The following ARHGEF37 variants were observed in gnomAD, a reference collection of about 807,000 sequenced individuals.
ARHGEF37 encodes Rho guanine nucleotide exchange factor 37, also known as Rho guanine nucleotide exchange factor (GEF) 37.
Under a neutral mutation model 71.1 loss-of-function variants are expected in ARHGEF37, and 55 were observed. That is an observed-to-expected ratio of 0.77 (90% CI 0.62 to 0.97). The LOEUF (loss-of-function observed/expected upper bound fraction) is 0.97. ARHGEF37 is among the 50% of genes least tolerant of loss of function. ARHGEF37 has a pLI of 0.00. For missense variants in ARHGEF37, 765 were observed against 836.8 expected, an observed-to-expected ratio of 0.91 and a Z score of 1.06; for synonymous variants, 327 against 350.6, an observed-to-expected ratio of 0.93 and a Z score of 0.75.
At chr5:149,601,483 T>C (rs1379544) in intron 3 of ARHGEF37, among the ~76,000 whole-genome samples, 83,845 of 152,038 alleles carry the variant, frequency 0.55, 23,502 homozygotes, top group East Asian at 0.71. Context: ...GAATTGTTAG[T>C]GATGCAGCTA....
chr5:149,609,339 A>T (rs1174108904), intron 3 of ARHGEF37, among the ~76,000 whole-genome samples: 1 of 152,190 alleles, frequency 6.6e-6, no homozygotes, highest in East Asian at 1.9e-4. Flanking sequence ...GATGTATATC[A>T]TTCTGTCACT....
chr5:149,605,087 C>A (rs370784921), intron 3 of ARHGEF37, among the ~76,000 whole-genome samples: 1 of 151,096 alleles, frequency 6.6e-6, no homozygotes, highest in Non-Finnish European at 1.5e-5. Flanking sequence ...ATTAGTCGGG[C>A]GTGTTGGTGG....
chr5:149,554,024 C>T (rs545725337), intron 1 of ARHGEF37, among the ~76,000 whole-genome samples: 5 of 152,010 alleles, frequency 3.3e-5, no homozygotes, highest in South Asian at 4.1e-4. Context: ...AAAAATTAGC[C>T]GGGCGTGGTG....
intron 1 of ARHGEF37, among the ~76,000 whole-genome samples, chr5:149,574,547 T>G (rs1763004864): frequency 6.6e-6 from 1 of 152,218 alleles, no homozygotes; most frequent in African/African-American, 2.4e-5. Context: ...TTTCGTGCAT[T>G]TACTGCTTTC....
At chr5:149,573,372 G>A (rs1762989971) in intron 1 of ARHGEF37, among the ~76,000 whole-genome samples, 1 of 152,150 alleles carries the variant, frequency 6.6e-6, no homozygotes. Flanking sequence ...ACCTCTCTGT[G>A]TGTGTATGTA....
chr5:149,618,453 C>T, intron 6 of ARHGEF37, 147 bp downstream of exon 6: 2 of 1,286,118 alleles, frequency 1.6e-6, no homozygotes, highest in Non-Finnish European at 2.1e-6. Flanking sequence ...GCAGAGGTGG[C>T]ACCCCACTTG....
rs58959997 is a variant in ARHGEF37, at chr5:149,558,691, A to ATG, written c.-12+6614_-12+6615dup. ...ATGATCTTTAAAAAACCATATATAT[A>ATG]TGTGTGTGTGTGTGTGTGTGTGTGT... On this transcript the variant is annotated intron_variant, in intron 1 of 2. Transcript: ENST00000505810. Among the ~76,000 whole-genome samples, 460 of 128,058 alleles carry ATG rather than the reference A, an allele frequency of 3.6e-3. 1 individual carries two copies. Among genetic ancestry groups the ATG allele is most frequent in the South Asian group, 7.2e-3 (31 of 4,318 alleles). 84.0% of individuals were successfully genotyped at this position (128,058 alleles called of 152,430 possible).
chr5:149,616,287 G>A (rs1484825424), intron 4 of ARHGEF37, among the ~76,000 whole-genome samples: 5 of 152,214 alleles, frequency 3.3e-5, no homozygotes, highest in African/African-American at 1.2e-4. Flanking sequence ...GAGCAAGGGT[G>A]TAGTCAGTCG....
chr5:149,593,100 G>C (rs924855250), intron 1 of ARHGEF37, among the ~76,000 whole-genome samples: 1 of 152,130 alleles, frequency 6.6e-6, no homozygotes, highest in Non-Finnish European at 1.5e-5. Context: ...GTGTATGAGA[G>C]ATCCAGTTTC....
chr5:149,572,533 G>A (rs975939068), intron 1 of ARHGEF37, among the ~76,000 whole-genome samples: 5 of 152,168 alleles, frequency 3.3e-5, no homozygotes, highest in Non-Finnish European at 7.4e-5. Context: ...ATGCATATGG[G>A]TACCAAGCTG....
intron 1 of ARHGEF37, among the ~76,000 whole-genome samples, chr5:149,595,835 T>C (rs1376506297): frequency 6.6e-6 from 1 of 152,186 alleles, no homozygotes; most frequent in Non-Finnish European, 1.5e-5. Context: ...CTAAACCCAG[T>C]GAAGGCAGGT....
At chr5:149,557,553 C>G (rs1383037164) in intron 1 of ARHGEF37, among the ~76,000 whole-genome samples, 2 of 152,096 alleles carry the variant, frequency 1.3e-5, no homozygotes, top group African/African-American at 2.4e-5. Flanking sequence ...GATCATGGCT[C>G]ACTGCAGCGT....
At chr5:149,551,758 C>G (rs924300919), upstream of ARHGEF37, among the ~76,000 whole-genome samples, 1 of 152,254 alleles carries the variant, frequency 6.6e-6, no homozygotes, top group Non-Finnish European at 1.5e-5. Flanking sequence ...CAGATGAAAG[C>G]TTAAGGCCTC....
At chr5:149,600,208 T>C (rs1475082468) in intron 2 of ARHGEF37, among the ~76,000 whole-genome samples, 1 of 152,238 alleles carries the variant, frequency 6.6e-6, no homozygotes, top group African/African-American at 2.4e-5. Context: ...ATTATAATCC[T>C]ATGAGATCAC....
chr5:149,610,413 G>A (rs937852226), intron 4 of ARHGEF37, among the ~76,000 whole-genome samples: 2 of 152,170 alleles, frequency 1.3e-5, no homozygotes, highest in African/African-American at 4.8e-5. Flanking sequence ...TAGAGAATAT[G>A]TATTCGAATT....
At chr5:149,602,410 G>A (rs980763992) in intron 3 of ARHGEF37, among the ~76,000 whole-genome samples, 1 of 152,108 alleles carries the variant, frequency 6.6e-6, no homozygotes, top group South Asian at 2.1e-4. Context: ...TTATGAGGGG[G>A]TGGTGAGAGT....
chr5:149,571,427 A>G (rs1762964469), intron 1 of ARHGEF37, among the ~76,000 whole-genome samples: 1 of 152,186 alleles, frequency 6.6e-6, no homozygotes. Context: ...GGAATCAACA[A>G]AAGTTGAGTA....
chr5:149,593,515 A>G (rs1763466823), intron 1 of ARHGEF37, among the ~76,000 whole-genome samples: 1 of 152,232 alleles, frequency 6.6e-6, no homozygotes, highest in South Asian at 2.1e-4. Flanking sequence ...TGATCCTTGA[A>G]CAACATAGGG....
chr5:149,566,554 A>C (rs1302785494), intron 1 of ARHGEF37, among the ~76,000 whole-genome samples: 1 of 149,706 alleles, frequency 6.7e-6, no homozygotes, highest in Non-Finnish European at 1.5e-5. Flanking sequence ...ACAACAACAA[A>C]AAACCTTATG....
Sources: allele counts gnomAD v4.1 joint callset (sites outside exome capture counted in the v4.1 genomes callset), GRCh38; gene constraint gnomAD v4.1.1; transcripts MANE v1.5; gene names NCBI Gene and HGNC (gene_info 2026-07-23, HGNC 2026-07-21).